GLMP: variants seen among roughly 807,000 people sequenced by gnomAD.
The protein encoded by GLMP is glycosylated lysosomal membrane protein, also known as kidney lysosomal membrane protein.
Under a neutral mutation model 39.2 loss-of-function variants are expected in GLMP, and 36 were observed. The observed-to-expected ratio is 0.92, with a 90% confidence interval of 0.70 to 1.21. The LOEUF is 1.21. GLMP is among the 50% of genes most tolerant of loss of function. GLMP has a pLI of 0.00. For missense variants in GLMP, 454 were observed against 505.6 expected, an observed-to-expected ratio of 0.90 and a Z score of 0.98; for synonymous variants, 220 against 218.9, an observed-to-expected ratio of 1.01 and a Z score of -0.04.
Position 156,294,963 on chromosome 1 carries a change from A to G in GLMP, c.174T>C (p.His58=). The G allele has an allele frequency of 6.3e-7, 1 of 1,598,850 alleles. No individual in the cohort carries two copies. Among genetic ancestry groups the G allele is most frequent in the Non-Finnish European group, 8.6e-7 (1 of 1,169,008 alleles). ...NWLGPLQNLL[H]IRAVGTNSTL... is the part of the protein sequence containing the mutation. ...TGGAATTGGTGCCCACTGCCCGTATATGAAGCAGGTTCTGCAGGGGGCCCA... is the reference window on the plus strand; with the variant it reads ...TGGAATTGGTGCCCACTGCCCGTATGTGAAGCAGGTTCTGCAGGGGGCCCA... The change falls in exon 2 of 6, where the codon CAT becomes CAC. Residue 58 remains histidine, a synonymous_variant. Transcript: ENST00000362007.
Position 156,294,020 on chromosome 1 carries a change from G to A in GLMP, c.796C>T (p.Gln266Ter). 1 of 1,612,976 alleles carries A rather than the reference G, an allele frequency of 6.2e-7. No individual in the cohort carries two copies. Among genetic ancestry groups the A allele is most frequent in the East Asian group, 2.2e-5 (1 of 44,892 alleles). Residue 266 changes from glutamine to a stop codon, truncating the protein, a stop_gained and splice_region_variant, in exon 4 of 6, where the codon CAG (glutamine) becomes TAG (stop). Coordinates refer to ENST00000362007, the MANE Select transcript of GLMP (RefSeq NM_144580.3). LOFTEE classifies it high-confidence loss of function. ...TGCCTCTCTCCAGGAAGCCTGACCT[G>A]GAAGACGGCCGGTGCATATTCATCG... ...IDDEYAPAVF[Q>*]LDQLLWGSLP... is the part of the protein sequence containing the mutation.
Position 156,292,993 on chromosome 1 carries a change from G to C in GLMP, c.*51C>G, listed in dbSNP as rs763361490. The stretch of plus-strand genomic sequence containing the variant: ...TTGATGCTCCAACCTCCAGAGTTTC[G>C]AGGCACAGCAAGACAGGTTCAGTAA... On this transcript the variant is annotated 3_prime_UTR_variant, in exon 6 of 6. Transcript: ENST00000362007. 3.2e-6 allele frequency: 5 copies of C among 1,576,606 alleles called. No homozygotes were observed. In the South Asian group the frequency reaches 5.7e-5, roughly 18 times the overall value.
In GLMP at chr1:156,294,237, C is replaced by T. The variant is rs780171567; in HGVS notation, c.580-1G>A. 1.1e-5 allele frequency: 18 copies of T among 1,613,394 alleles called. No homozygotes were observed. Among genetic ancestry groups the T allele is most frequent in the East Asian group, 2.2e-5 (1 of 44,892 alleles). ...GGCTGGACCTGGAAAAGGCCTGGACCTAGGAAGGAAGAAGCATGGGAGGTG... is the reference window on the plus strand; with the variant it reads ...GGCTGGACCTGGAAAAGGCCTGGACTTAGGAAGGAAGAAGCATGGGAGGTG... On this transcript the variant is annotated splice_acceptor_variant, in intron 3 of 5. Coordinates refer to ENST00000362007, the MANE Select transcript of GLMP (RefSeq NM_144580.3). LOFTEE classifies it high-confidence loss of function.
chr1:156,294,900 T>C lies in GLMP; in HGVS notation c.237A>G (p.Ala79=). The C allele has an allele frequency of 6.2e-7, 1 of 1,612,884 alleles. No homozygotes were observed. ...HYVWSSLGPL[A]VVMVATNTPH... ...GGGTGTTGGTGGCCACCATTACCAC[T>C]GCCAGAGGCCCCAGGCTGCTCCACA... The change falls in exon 2 of 6, where the codon GCA becomes GCG. Residue 79 remains alanine, a synonymous_variant. Coordinates refer to ENST00000362007, the MANE Select transcript of GLMP (RefSeq NM_144580.3).
chr1:156,294,551 G>A lies in GLMP; in HGVS notation c.393C>T (p.Asp131=). Residue 131 remains aspartate (D), a synonymous_variant, in exon 3 of 6, where the codon GAC becomes GAT. Transcript: ENST00000362007. ...ALVFTRLLEF[D]STNVSDTAAK... ...CTGCCGTATCGGACACGTTGGTGCT[G>A]TCAAACTCAAGCAGCTGGAGGGTGG... is the stretch of plus-strand genomic sequence containing the variant. 1 of 1,614,060 alleles carries A rather than the reference G, an allele frequency of 6.2e-7. No homozygotes were observed.
At position 156,294,837 on chromosome 1, in the gene GLMP, T is replaced by C; in HGVS notation, c.300A>G (p.Leu100=). ...STLSVNWSLL[L]SPEPDGGLMV... is the part of the protein sequence containing the mutation. The stretch of plus-strand genomic sequence containing the variant: ...TCAGGCCCCCATCGGGCTCAGGGGA[T>C]AGCAGGAGGCTCCAGTTGACGCTCA... Residue 100 remains leucine, a synonymous_variant, in exon 2 of 6, where the codon CTA becomes CTG. Transcript: ENST00000362007. The C allele has an allele frequency of 6.2e-7, 1 of 1,604,730 alleles. No individual in the cohort carries two copies. The highest frequency in any genetic ancestry group is 8.5e-7 in the Non-Finnish European group (1 of 1,175,226).
At chr1:156,293,731 A>C in intron 4 of GLMP, 155 bp from the exon 5 acceptor site, 1 of 1,548,640 alleles carries the variant, frequency 6.5e-7, no homozygotes. Context: ...GGGGAGTTCG[A>C]CTGGGTGAGG....
Position 156,294,437 on chromosome 1 carries a change from CAG to C in GLMP, c.505_506del (p.Leu169GlufsTer77), listed in dbSNP as rs1346702216. 3 of 1,614,166 alleles carry C rather than the reference CAG, an allele frequency of 1.9e-6. No individual in the cohort carries two copies. Among genetic ancestry groups the C allele is most frequent in the Admixed American group, 1.7e-5 (1 of 60,024 alleles). ...NITDSLDPAT[L>X]SATFQGHPMN... ...TGGGGTGGCCTTGAAATGTGGCACT[CAG>C]GGTGGCAGGATCCAATGAATCAGTG... On this transcript the variant is annotated frameshift_variant, in exon 3 of 6. Coordinates refer to ENST00000362007, the MANE Select transcript of GLMP (RefSeq NM_144580.3). LOFTEE classifies it high-confidence loss of function.
chr1:156,294,553 C>CA lies in GLMP; in HGVS notation c.390dup (p.Asp131Ter), dbSNP rs1475100320. ...GCCGTATCGGACACGTTGGTGCTGT[C>CA]AAACTCAAGCAGCTGGAGGGTGGGG... On this transcript the variant is annotated frameshift_variant, in exon 3 of 6. Transcript: ENST00000362007. LOFTEE classifies it high-confidence loss of function. The CA allele has an allele frequency of 6.2e-7, 1 of 1,614,060 alleles. No individual in the cohort carries two copies. The highest frequency in any genetic ancestry group is 2.2e-5 in the East Asian group (1 of 44,868).
In GLMP at chr1:156,293,468, A is replaced by C. The variant is rs1663447048; in HGVS notation, c.907T>G (p.Ser303Ala). 3.1e-6 allele frequency: 5 copies of C among 1,614,112 alleles called. No homozygotes were observed. The highest frequency in any genetic ancestry group is 3.4e-6 in the Non-Finnish European group (4 of 1,180,026). Residue 303 changes from serine (S) to alanine (A), a missense_variant, in exon 5 of 6, where the codon TCC becomes GCC. Physicochemically the swap from Ser to Ala is moderately conservative, Grantham distance 99. Coordinates refer to ENST00000362007, the MANE Select transcript of GLMP (RefSeq NM_144580.3). ...GRESALPCQA[S>A]PLHPALAYSL... ...TATGCTAAGGCAGGATGAAGAGGGGAAGCTTGGCAGGGCAGGGCTGATTCT... is the reference window on the plus strand; with the variant it reads ...TATGCTAAGGCAGGATGAAGAGGGGCAGCTTGGCAGGGCAGGGCTGATTCT...
Position 156,293,529 on chromosome 1 carries a change from C to T in GLMP, c.846G>A (p.Trp282Ter), listed in dbSNP as rs746986772. 1.8e-5 allele frequency: 29 copies of T among 1,614,034 alleles called. No homozygotes were observed. The highest frequency in any genetic ancestry group is 2.2e-5 in the South Asian group (2 of 91,090). Reference sequence around the variant, plus strand: ...GCTTCTGGGAGTAAGCCACTGGTCGCCACTGTGCAAAGCCTGATGGGAGGG... The same window carrying T: ...GCTTCTGGGAGTAAGCCACTGGTCGTCACTGTGCAAAGCCTGATGGGAGGG... ...WGSLPSGFAQWRPVAYSQKPG... is the reference protein window; with the variant it reads ...WGSLPSGFAQ Residue 282 changes from tryptophan to a stop codon, truncating the protein, a stop_gained, in exon 5 of 6, where the codon TGG becomes TGA. Transcript: ENST00000362007. LOFTEE classifies it high-confidence loss of function.
At position 156,294,993 on chromosome 1, in the gene GLMP, G is replaced by A. The variant is rs767830644; in HGVS notation, c.144C>T (p.Asn48=). 1.6e-5 allele frequency: 25 copies of A among 1,579,424 alleles called. No individual in the cohort carries two copies. The highest frequency in any genetic ancestry group is 2.7e-5 in the African/African-American group (2 of 74,032). The change falls in exon 2 of 6, where the codon AAC becomes AAT. Residue 48 remains asparagine, a synonymous_variant. Transcript: ENST00000362007. ...GCAGGTTCTGCAGGGGGCCCAGCCA[G>A]TTAGGGATGACCTCCAGAGACACCT... ...TRQVSLEVIP[N]WLGPLQNLLH...
chr1:156,293,233 G>T, intron 5 of GLMP, 24 bp from the exon 6 acceptor site: 1 of 1,610,010 alleles, frequency 6.2e-7, no homozygotes, highest in South Asian at 1.1e-5. Flanking sequence ...AGAGAGAGAG[G>T]TAAGCGGGCT....
chr1:156,292,723 C>G lies in GLMP; in HGVS notation c.*321G>C, dbSNP rs1020223674. 2 of 339,352 alleles carry G rather than the reference C, an allele frequency of 5.9e-6. No individual in the cohort carries two copies. Among genetic ancestry groups the G allele is most frequent in the Non-Finnish European group, 1.1e-5 (2 of 187,894 alleles). 21.0% of individuals were successfully genotyped at this position (339,352 alleles called of 1,614,324 possible). A position where few individuals can be genotyped will look rare whatever the true frequency, so the allele number is the denominator to read the frequency against. On this transcript the variant is annotated 3_prime_UTR_variant, in exon 6 of 6. Coordinates refer to ENST00000362007, the MANE Select transcript of GLMP (RefSeq NM_144580.3). ...AAAAATAAATCTATTTTCTTGCCTT[C>G]CAGGGCAGCCAACCAGTCAGAATGC...
chr1:156,295,402 C>A, intron 1 of GLMP, 124 bp downstream of exon 1: 1 of 1,414,036 alleles, frequency 7.1e-7, no homozygotes, highest in Non-Finnish European at 9.2e-7. Flanking sequence ...CCACACCCTC[C>A]AGGTTGAAGA....
Position 156,295,517 on chromosome 1 carries a change from G to A in GLMP, c.120+9C>T. The A allele has an allele frequency of 6.7e-7, 1 of 1,502,164 alleles. No homozygotes were observed. Among genetic ancestry groups the A allele is most frequent in the Non-Finnish European group, 8.9e-7 (1 of 1,128,498 alleles). The allele number at this position is 1,502,164 out of a possible 1,614,324, so 93.1% of individuals were successfully genotyped here. ...GAAACTTCTATCGCTGTAGCCCCAG[G>A]GCCCTCACCTGGCGGGTCTTCTCCC... On this transcript the variant is annotated intron_variant, in intron 1 of 5. Coordinates refer to ENST00000362007, the MANE Select transcript of GLMP (RefSeq NM_144580.3).
rs1480427663 is a variant in GLMP at position 156,294,858 on chromosome 1, G to A, written c.279C>T (p.Ser93=). 1.9e-6 allele frequency: 3 copies of A among 1,610,786 alleles called. No individual in the cohort carries two copies. The highest frequency in any genetic ancestry group is 1.3e-5 in the African/African-American group (1 of 74,848). ...GGGATAGCAGGAGGCTCCAGTTGACGCTCAGGGTGCTGTGGGGGGTGTTGG... is the reference window on the plus strand; with the variant it reads ...GGGATAGCAGGAGGCTCCAGTTGACACTCAGGGTGCTGTGGGGGGTGTTGG... ...VATNTPHSTL[S]VNWSLLLSPE... The change falls in exon 2 of 6, where the codon AGC becomes AGT. Residue 93 remains serine, a synonymous_variant. Coordinates refer to ENST00000362007, the MANE Select transcript of GLMP (RefSeq NM_144580.3).
intron 2 of GLMP, 50 bp downstream of exon 2, chr1:156,294,709 G>T: frequency 1.9e-6 from 3 of 1,556,488 alleles, no homozygotes; most frequent in South Asian, 1.2e-5. Flanking sequence ...TAATTGGGAT[G>T]AACTCTCTCC....
rs1213512814 is a variant in GLMP at position 156,294,532 on chromosome 1, T to C, written c.412A>G (p.Thr138Ala). Residue 138 changes from threonine to alanine, a missense_variant, in exon 3 of 6, where the codon ACG becomes GCG. Physicochemically the swap from Thr to Ala is moderately conservative, Grantham distance 58. Coordinates refer to ENST00000362007, the MANE Select transcript of GLMP (RefSeq NM_144580.3). ...GGTCTTCCCAAAGGCTTTGCTGCCGTATCGGACACGTTGGTGCTGTCAAAC... is the reference window on the plus strand; with the variant it reads ...GGTCTTCCCAAAGGCTTTGCTGCCGCATCGGACACGTTGGTGCTGTCAAAC... The part of the protein sequence containing the change: ...LEFDSTNVSD[T>A]AAKPLGRPYP... The C allele has an allele frequency of 1.2e-6, 2 of 1,614,062 alleles. No individual in the cohort carries two copies. The highest frequency in any genetic ancestry group is 8.5e-7 in the Non-Finnish European group (1 of 1,180,002).
Sources: allele counts gnomAD v4.1 joint callset, GRCh38; gene constraint gnomAD v4.1.1; transcripts MANE v1.5; gene names NCBI Gene and HGNC (gene_info 2026-07-23, HGNC 2026-07-21).